Variants in GRIK1 observed in about 807,000 individuals in gnomAD.
GRIK1 encodes glutamate ionotropic receptor kainate type subunit 1.
A neutral mutation model predicts 105.7 loss-of-function variants in GRIK1; 69 were observed. The observed-to-expected ratio is 0.65, with a 90% CI of 0.54 to 0.80. GRIK1 has a LOEUF of 0.80. GRIK1 is among the 30% of genes least tolerant of loss of function. The probability of loss-of-function intolerance (pLI) is 0.00; values close to 1 mark genes in which losing one functional copy is unlikely to be tolerated. For synonymous variants in GRIK1, 438 were observed against 431.3 expected (o/e 1.02, Z -0.19); for missense variants, 1,109 against 1,167.3 (o/e 0.95, Z 0.73).
intron 16 of GRIK1, among the ~76,000 whole-genome samples, chr21:29,539,570 T>C (rs79752048): frequency 6.6e-6 from 1 of 152,214 alleles, no homozygotes; most frequent in Non-Finnish European, 1.5e-5. Flanking sequence ...TGAAATATAA[T>C]AATTTGTTAA....
intron 1 of GRIK1, among the ~76,000 whole-genome samples, chr21:29,708,323 T>G (rs976144271): frequency 6.6e-6 from 1 of 152,248 alleles, no homozygotes; most frequent in African/African-American, 2.4e-5. Context: ...TATCCTGAGA[T>G]ATCATTACTT....
chr21:29,560,186 G>A (rs917727308), intron 15 of GRIK1, among the ~76,000 whole-genome samples: 2 of 152,112 alleles, frequency 1.3e-5, no homozygotes, highest in African/African-American at 4.8e-5. Context: ...GACAGTCCCT[G>A]ATTCTTCTCC....
At chr21:29,701,610 A>T (rs2063813961) in intron 1 of GRIK1, among the ~76,000 whole-genome samples, 1 of 152,184 alleles carries the variant, frequency 6.6e-6, no homozygotes, top group South Asian at 2.1e-4. Flanking sequence ...TGAGCAGAGG[A>T]GTGAAATGAT....
chr21:29,595,580 A>C (rs1371832254), intron 9 of GRIK1, among the ~76,000 whole-genome samples: 1 of 152,166 alleles, frequency 6.6e-6, no homozygotes, highest in Non-Finnish European at 1.5e-5. Context: ...ACTTGTGTAC[A>C]CTTTCTGTGA....
chr21:29,935,925 TA>T (rs901839756), intron 1 of GRIK1, among the ~76,000 whole-genome samples: 7 of 152,132 alleles, frequency 4.6e-5, no homozygotes, highest in African/African-American at 7.2e-5. Flanking sequence ...ATGTAAATAA[TA>T]AAAAAAGTAG....
chr21:29,774,805 A>G (rs760160943), intron 1 of GRIK1, among the ~76,000 whole-genome samples: 3 of 151,982 alleles, frequency 2.0e-5, no homozygotes, highest in Non-Finnish European at 4.4e-5. Flanking sequence ...GGCTGGCTTT[A>G]TGGATGTGAG....
chr21:29,805,130 C>G (rs181235993), intron 1 of GRIK1, among the ~76,000 whole-genome samples: 44 of 152,220 alleles, frequency 2.9e-4, no homozygotes, highest in Non-Finnish European at 8.8e-5. Flanking sequence ...TATGAATGGG[C>G]ACAAACCACC....
chr21:29,884,787 C>T (rs1433561257), intron 1 of GRIK1, among the ~76,000 whole-genome samples: 1 of 151,906 alleles, frequency 6.6e-6, no homozygotes, highest in East Asian at 1.9e-4. Flanking sequence ...GACACTAAAC[C>T]TCTTAATTTT....
In GRIK1 at chr21:29,596,605, G is replaced by A. The variant is rs770205803; in HGVS notation, c.1207-35C>T. On this transcript the variant is annotated intron_variant, in intron 8 of 17. Transcript: ENST00000327783. ...CAGAGAGAAAAATAAAATAAAAACA[G>A]CACTTAATTAAAATGGAGCGTGAAA... The A allele has an allele frequency of 2.0e-6, 3 of 1,508,398 alleles. No individual in the cohort carries two copies. In the Admixed American group the frequency reaches 5.0e-5, roughly 25 times the overall value. 93.4% of individuals were successfully genotyped at this position (1,508,398 alleles called of 1,614,324 possible).
chr21:29,588,874 C>A lies in GRIK1; in HGVS notation c.1534G>T (p.Glu512Ter). ...GKYGAQNDKG[E>*]WNGMVKELID... is the part of the protein sequence containing the mutation. ...AGTTCTTTAACCATCCCGTTCCACT[C>A]CCCTTTGTCATTCTGGGCCCCATAT... Residue 512 changes from glutamate to a stop codon, truncating the protein, a stop_gained, in exon 11 of 18, where the codon GAG (glutamate) becomes TAG (stop). Transcript: ENST00000327783. LOFTEE classifies it high-confidence loss of function. The A allele has an allele frequency of 6.2e-7, 1 of 1,606,738 alleles. No homozygotes were observed. The highest frequency in any genetic ancestry group is 8.5e-7 in the Non-Finnish European group (1 of 1,173,274).
At chr21:29,556,299 A>G (rs886266923) in intron 15 of GRIK1, among the ~76,000 whole-genome samples, 13 of 152,142 alleles carry the variant, frequency 8.5e-5, no homozygotes, top group African/African-American at 3.1e-4. Flanking sequence ...ATTCGGCATA[A>G]AGCTCTTGCC....
chr21:29,617,976 T>A (rs1379248860), intron 7 of GRIK1, among the ~76,000 whole-genome samples: 1 of 152,242 alleles, frequency 6.6e-6, no homozygotes, highest in African/African-American at 2.4e-5. Context: ...TGATACTACT[T>A]ATTCTCATTA....
intron 1 of GRIK1, among the ~76,000 whole-genome samples, chr21:29,769,155 A>G (rs1222039406): frequency 2.0e-5 from 3 of 152,124 alleles, no homozygotes; most frequent in Non-Finnish European, 4.4e-5. Context: ...TAGAATTGTG[A>G]CAAGCAAAAA....
intron 1 of GRIK1, among the ~76,000 whole-genome samples, chr21:29,864,296 T>C (rs1370015744): frequency 1.3e-5 from 2 of 152,160 alleles, no homozygotes; most frequent in Non-Finnish European, 2.9e-5. Flanking sequence ...AAAAGTCTGA[T>C]GTTATTCTGC....
intron 1 of GRIK1, among the ~76,000 whole-genome samples, chr21:29,783,292 A>G (rs1398763821): frequency 6.6e-6 from 1 of 152,138 alleles, no homozygotes; most frequent in Non-Finnish European, 1.5e-5. Flanking sequence ...AAATAGTACC[A>G]TTGATGTGGA....
intron 1 of GRIK1, among the ~76,000 whole-genome samples, chr21:29,777,302 G>T (rs1480175183): frequency 2.6e-5 from 4 of 152,152 alleles, no homozygotes. Context: ...TAGAGATCCT[G>T]GTTCAATGGG....
intron 1 of GRIK1, among the ~76,000 whole-genome samples, chr21:29,737,143 G>A (rs1259556953): frequency 6.6e-6 from 1 of 152,144 alleles, no homozygotes; most frequent in Non-Finnish European, 1.5e-5. Flanking sequence ...ACAGCTTGAT[G>A]TTTCCAAGAA....
At chr21:29,615,634 G>A (rs1175848304) in intron 7 of GRIK1, among the ~76,000 whole-genome samples, 1 of 152,104 alleles carries the variant, frequency 6.6e-6, no homozygotes, top group Non-Finnish European at 1.5e-5. Flanking sequence ...CAACTAACAG[G>A]AATAGATGAT....
intron 1 of GRIK1, among the ~76,000 whole-genome samples, chr21:29,887,650 T>C (rs1181897751): frequency 6.6e-6 from 1 of 151,876 alleles, no homozygotes; most frequent in Admixed American, 6.6e-5. Context: ...CTTGCTTGGG[T>C]CCAGCTGTTC....
Sources: gnomAD v4.1 joint callset for allele counts (sites outside exome capture counted in the v4.1 genomes callset) on GRCh38, gnomAD v4.1.1 for gene constraint, MANE v1.5 for transcripts, NCBI Gene and HGNC (gene_info 2026-07-23, HGNC 2026-07-21) for gene names.